Variants in PLG observed in about 807,000 individuals in gnomAD.
PLG encodes plasmin.
In PLG, 41 loss-of-function variants were observed where a neutral mutation model predicts 104.4. The observed-to-expected ratio is 0.39, with a 90% CI of 0.31 to 0.51. PLG has a LOEUF of 0.51. Among genes scored for constraint, PLG ranks in the 20% least tolerant of loss-of-function variants. The probability of loss-of-function intolerance (pLI) is 0.76; values close to 1 mark genes in which losing one functional copy is unlikely to be tolerated. For synonymous variants in PLG, 337 were observed against 357.1 expected, an observed-to-expected ratio of 0.94 and a Z score of 0.63; for missense variants, 891 against 1,003.6, an observed-to-expected ratio of 0.89 and a Z score of 1.52.
Position 160,738,493 on chromosome 6 carries a change from C to T in PLG, c.1803-45C>T, listed in dbSNP as rs998632577. ...TGGCTTTCTGTACAATGGAGCAGAA[C>T]AAAGTATCAATTTAACTAAAATTTG... is the stretch of plus-strand genomic sequence containing the variant. On this transcript the variant is annotated intron_variant, in intron 14 of 18. Transcript: ENST00000308192. This position sits in a 1 kb window ranked among gnomAD's most constrained non-coding sequence, Gnocchi z 6.8. 1.7e-6 allele frequency: 2 copies of T among 1,152,366 alleles called. No individual in the cohort carries two copies. Among genetic ancestry groups the T allele is most frequent in the East Asian group, 2.3e-5 (1 of 42,794 alleles). The allele number at this position is 1,152,366 out of a possible 1,614,324, so 71.4% of individuals were successfully genotyped here. A position where few individuals can be genotyped will look rare whatever the true frequency, so the allele number is the denominator to read the frequency against.
chr6:160,744,284 G>A lies in PLG; in HGVS notation c.2125+2867G>A, dbSNP rs923503716. On this transcript the variant is annotated intron_variant, in intron 17 of 18. Transcript: ENST00000308192. This position sits in a 1 kb window ranked among gnomAD's most constrained non-coding sequence, Gnocchi z 4.5. ...GTGGAATTCAGCTGTGAATCTATCT[G>A]GTCCTGGGCTTTTGTTGGTTAGTAG... Among the ~76,000 whole-genome samples the A allele has an allele frequency of 6.6e-6, 1 of 152,102 alleles. No individual in the cohort carries two copies. Among genetic ancestry groups the A allele is most frequent in the Non-Finnish European group, 1.5e-5 (1 of 68,022 alleles).
At chr6:160,714,936 A>G (rs764681168) in intron 6 of PLG, 22 bp downstream of exon 6, 8 of 1,610,924 alleles carry the variant, frequency 5.0e-6, no homozygotes, top group African/African-American at 1.3e-5. Flanking sequence ...TGGGAAAAAC[A>G]TTCCATGTTT....
At chr6:160,748,350 G>GAGAAAGAAAGAA (rs71542985) in intron 17 of PLG, among the ~76,000 whole-genome samples, 27 of 49,432 alleles carry the variant, frequency 5.5e-4, no homozygotes, top group Non-Finnish European at 5.7e-4. Flanking sequence ...AGAAAAGAAA[G>GAGAAAGAAAGAA]AGAAAGAAAG....
intron 4 of PLG, 99 bp from the exon 5 acceptor site, chr6:160,712,887 A>T: frequency 1.1e-6 from 1 of 905,280 alleles, no homozygotes; most frequent in Non-Finnish European, 1.8e-6. Flanking sequence ...CATTTGGATG[A>T]CAATCTCAGA....
At position 160,731,803 on chromosome 6, in the gene PLG, G is replaced by T; in HGVS notation, c.1497G>T (p.Gly499=). The change falls in exon 12 of 19, where the codon GGG becomes GGT. Residue 499 remains glycine, a synonymous_variant. Coordinates refer to ENST00000308192, the MANE Select transcript of PLG (RefSeq NM_000301.5). The surrounding 1 kb of genome is among the most constrained non-coding windows in gnomAD (Gnocchi z 5.1). ...YRGKRATTVT[G]TPCQDWAAQE... ...GCAAGAGGGCGACCACTGTTACTGG[G>T]ACGCCATGCCAGGACTGGGCTGCCC... is the stretch of plus-strand genomic sequence containing the variant. 6.2e-7 allele frequency: 1 copy of T among 1,614,030 alleles called. No individual in the cohort carries two copies. The highest frequency in any genetic ancestry group is 1.1e-5 in the South Asian group (1 of 91,074).
At chr6:160,747,198 C>T (rs186888434) in intron 17 of PLG, among the ~76,000 whole-genome samples, 163 of 152,290 alleles carry the variant, frequency 1.1e-3, no homozygotes, top group Admixed American at 3.1e-3. Flanking sequence ...GGGGGAGAGG[C>T]GGACAGGTCC....
chr6:160,718,080 C>A (rs200620320), intron 7 of PLG, among the ~76,000 whole-genome samples: 1 of 152,190 alleles, frequency 6.6e-6, no homozygotes, highest in East Asian at 1.9e-4. Flanking sequence ...TGAAACCCCA[C>A]CTCTACTAAA....
chr6:160,735,208 A>C lies in PLG; in HGVS notation c.1681+1120A>C, dbSNP rs573140652. Among the ~76,000 whole-genome samples the C allele has an allele frequency of 7.9e-5, 12 of 152,196 alleles. No individual in the cohort carries two copies. Among genetic ancestry groups the C allele is most frequent in the Non-Finnish European group, 1.6e-4 (11 of 68,038 alleles). On this transcript the variant is annotated intron_variant, in intron 13 of 18. Transcript: ENST00000308192. This position sits in a 1 kb window ranked among gnomAD's most constrained non-coding sequence, Gnocchi z 5.4. ...TAACTCAAAGTCCCTCGATGGAGTCAGTTCCAGTTCTCCACTTCTGGCCCC... is the reference window on the plus strand; with the variant it reads ...TAACTCAAAGTCCCTCGATGGAGTCCGTTCCAGTTCTCCACTTCTGGCCCC...
At chr6:160,717,486 G>T (rs571197685) in intron 7 of PLG, among the ~76,000 whole-genome samples, 1 of 150,540 alleles carries the variant, frequency 6.6e-6, no homozygotes, top group Non-Finnish European at 1.5e-5. Flanking sequence ...TTCTCTTTTT[G>T]TCATCTTTTT....
At chr6:160,743,692 C>A (rs117515500) in intron 17 of PLG, among the ~76,000 whole-genome samples, 7 of 152,250 alleles carry the variant, frequency 4.6e-5, no homozygotes, top group African/African-American at 1.7e-4. Context: ...GCTTCCAATA[C>A]TATGTTGAAT....
rs779584350 is a variant in PLG at position 160,732,827 on chromosome 6, C to T, written c.1587+934C>T. On this transcript the variant is annotated intron_variant, in intron 12 of 18. Coordinates refer to ENST00000308192, the MANE Select transcript of PLG (RefSeq NM_000301.5). This position sits in a 1 kb window ranked among gnomAD's most constrained non-coding sequence, Gnocchi z 4.5. ...ATGCCCTCTCCAGTGCACCAGCCCC[C>T]GGTACCCCAAGTGTTCAGCAACCCA... is the stretch of plus-strand genomic sequence containing the variant. 9.9e-5 allele frequency among the ~76,000 whole-genome samples: 15 copies of T among 152,250 alleles called. No homozygotes were observed. Among genetic ancestry groups the T allele is most frequent in the Non-Finnish European group, 2.9e-5 (2 of 68,018 alleles).
chr6:160,748,401 G>GA (rs1562383473), intron 17 of PLG, among the ~76,000 whole-genome samples: 5,336 of 70,990 alleles, frequency 0.075, 753 homozygotes, highest in Middle Eastern at 0.1. Context: ...AGAAAGAAAG[G>GA]AAGAAAGAAA....
At chr6:160,748,344 A>AAGAAAG (rs1476730630) in intron 17 of PLG, among the ~76,000 whole-genome samples, 1 of 71,322 alleles carries the variant, frequency 1.4e-5, no homozygotes, top group Non-Finnish European at 2.8e-5. Context: ...GAAGGAAGAA[A>AAGAAAG]AGAAAGAGAA....
At position 160,752,317 on chromosome 6, in the gene PLG, C is replaced by T. The variant is rs783172; in HGVS notation, c.2271+57C>T. On this transcript the variant is annotated intron_variant, in intron 18 of 18. Coordinates refer to ENST00000308192, the MANE Select transcript of PLG (RefSeq NM_000301.5). The surrounding 1 kb of genome is among the most constrained non-coding windows in gnomAD (Gnocchi z 4.7). Reference sequence around the variant, plus strand: ...TTGTGCTCTCTTGTCTCAGTCTCAGCCCCTCAGACTTCATTCCCCAGGTGG... The same window carrying T: ...TTGTGCTCTCTTGTCTCAGTCTCAGTCCCTCAGACTTCATTCCCCAGGTGG... The T allele has an allele frequency of 0.023, 33,907 of 1,502,508 alleles. 482 individuals are homozygous for T. Among genetic ancestry groups the T allele is most frequent in the South Asian group, 0.033 (2,943 of 88,804 alleles). 93.1% of individuals were successfully genotyped at this position (1,502,508 alleles called of 1,614,324 possible). A position where few individuals can be genotyped will look rare whatever the true frequency, so the allele number is the denominator to read the frequency against.
At position 160,731,708 on chromosome 6, in the gene PLG, GT is replaced by G. The variant is rs1778002066; in HGVS notation, c.1439-36del. ...TGATTCCATATCATCCTGGGTCTCT[GT>G]GGCTCTTCATAATCATCCATTTTTT... On this transcript the variant is annotated intron_variant, in intron 11 of 18. Transcript: ENST00000308192. This position sits in a 1 kb window ranked among gnomAD's most constrained non-coding sequence, Gnocchi z 5.1. The G allele has an allele frequency of 1.2e-6, 2 of 1,604,870 alleles. No homozygotes were observed. Among genetic ancestry groups the G allele is most frequent in the African/African-American group, 2.7e-5 (2 of 74,710 alleles).
rs937747183 is a variant in PLG, at chr6:160,726,128, T to C, written c.1256+3561T>C. ...GAAATTGTCAACCTATTTAACACTA[T>C]GCCAAACTGCAGAATACACATTCAA... On this transcript the variant is annotated intron_variant, in intron 10 of 18. Coordinates refer to ENST00000308192, the MANE Select transcript of PLG (RefSeq NM_000301.5). The surrounding 1 kb of genome is among the most constrained non-coding windows in gnomAD (Gnocchi z 4.4). Among the ~76,000 whole-genome samples the C allele has an allele frequency of 6.6e-6, 1 of 152,254 alleles. No individual in the cohort carries two copies. Among genetic ancestry groups the C allele is most frequent in the African/African-American group, 2.4e-5 (1 of 41,574 alleles).
intron 3 of PLG, chr6:160,708,660 A>G (rs1358136167): frequency 1.3e-5 from 2 of 152,214 alleles, no homozygotes; most frequent in Admixed American, 1.3e-4. Flanking sequence ...CAGGTGTTAA[A>G]GAGGACTGGA....
intron 17 of PLG, among the ~76,000 whole-genome samples, chr6:160,748,382 A>AAGAGAGAGAGAG (rs1562383392): frequency 7.1e-5 from 3 of 42,518 alleles, no homozygotes; most frequent in African/African-American, 7.9e-5. Context: ...GAAAGAAAGA[A>AAGAGAGAGAGAG]AGAAAGAAAG....
intron 1 of PLG, 156 bp from the exon 2 acceptor site, chr6:160,706,251 C>T: frequency 1.0e-6 from 1 of 960,720 alleles, no homozygotes; most frequent in South Asian, 1.5e-5. Context: ...GTGTTCTTAA[C>T]TAAACATTTT....
Sources: allele counts gnomAD v4.1 joint callset (sites outside exome capture counted in the v4.1 genomes callset), GRCh38; gene constraint gnomAD v4.1.1; non-coding constraint Gnocchi (gnomAD v3.1); transcripts MANE v1.5; gene names NCBI Gene and HGNC (gene_info 2026-07-23, HGNC 2026-07-21).